SHC4: variants seen among roughly 807,000 people sequenced by gnomAD.
SHC4 encodes the protein SHC adaptor protein 4, also known as SHC-transforming protein 4.
SHC4 carries 41 observed loss-of-function variants against 69.4 expected under a neutral mutation model. That is an observed-to-expected ratio of 0.59 (90% CI 0.46 to 0.77). The LOEUF (loss-of-function observed/expected upper bound fraction) is 0.77. Ranked by LOEUF, SHC4 falls within the 30% of genes least tolerant of loss-of-function variation. SHC4 has a pLI of 0.00. For missense variants in SHC4, 777 were observed against 783.8 expected (o/e 0.99, Z 0.10); for synonymous variants, 318 against 299.3 (o/e 1.06, Z -0.64).
At chr15:48,858,554 C>G (rs1471478644) in intron 6 of SHC4, among the ~76,000 whole-genome samples, 2 of 152,312 alleles carry the variant, frequency 1.3e-5, no homozygotes, top group South Asian at 2.1e-4. Context: ...GGGCAGGCAT[C>G]TGACTATCAC....
chr15:48,955,872 G>A (rs1007156728), intron 1 of SHC4, among the ~76,000 whole-genome samples: 12 of 152,304 alleles, frequency 7.9e-5, no homozygotes, highest in Middle Eastern at 3.4e-3. Flanking sequence ...TCTTGTCTGG[G>A]CTCCACCACT....
At position 48,884,277 on chromosome 15, in the gene SHC4, G is replaced by C. The variant is rs935024738; in HGVS notation, c.811C>G (p.Leu271Val). 1.2e-6 allele frequency: 2 copies of C among 1,609,398 alleles called. No homozygotes were observed. Among genetic ancestry groups the C allele is most frequent in the Admixed American group, 1.7e-5 (1 of 59,054 alleles). The change falls in exon 4 of 12, where the codon CTC (leucine) becomes GTC (valine). Residue 271 changes from leucine to valine, a missense_variant. Leu to Val is a conservative substitution (Grantham distance 32). Transcript: ENST00000332408. ...TGGTTGTCAAGATTCATCAATGTGA[G>C]ACTGCATGTTGAGATGGTCAGTTTT... ...NIKLTISTCSLTLMNLDNQQI... is the reference protein window; with the variant it reads ...NIKLTISTCSVTLMNLDNQQI...
intron 10 of SHC4, among the ~76,000 whole-genome samples, chr15:48,835,762 A>C (rs1177371372): frequency 6.6e-6 from 1 of 152,130 alleles, no homozygotes; most frequent in Non-Finnish European, 1.5e-5. Flanking sequence ...TACTATCCAC[A>C]CTCATAATAG....
At chr15:48,843,635 A>G (rs955995013) in intron 9 of SHC4, 47 bp from the exon 10 acceptor site, 1 of 1,527,654 alleles carries the variant, frequency 6.5e-7, no homozygotes, top group African/African-American at 1.4e-5. Context: ...TTCTTTGTAA[A>G]TAGTAAATAA....
intron 1 of SHC4, among the ~76,000 whole-genome samples, chr15:48,950,612 T>C (rs1396422046): frequency 6.6e-6 from 1 of 151,790 alleles, no homozygotes; most frequent in African/African-American, 2.4e-5. Flanking sequence ...GAAACTGCAG[T>C]GGGGATGGAG....
intron 6 of SHC4, among the ~76,000 whole-genome samples, chr15:48,860,291 A>C (rs1042831933): frequency 1.3e-5 from 2 of 152,142 alleles, no homozygotes; most frequent in Non-Finnish European, 2.9e-5. Context: ...AGGCAGGTGG[A>C]TCACTTGAGG....
At chr15:48,890,055 A>G (rs974954395) in intron 3 of SHC4, among the ~76,000 whole-genome samples, 1 of 152,250 alleles carries the variant, frequency 6.6e-6, no homozygotes, top group Non-Finnish European at 1.5e-5. Flanking sequence ...GGTAGATAGT[A>G]TGTAGACATC....
At chr15:48,887,487 T>C (rs1900055546) in intron 3 of SHC4, among the ~76,000 whole-genome samples, 1 of 152,098 alleles carries the variant, frequency 6.6e-6, no homozygotes, top group Non-Finnish European at 1.5e-5. Flanking sequence ...ATACCAAAAC[T>C]TATGGGATGC....
chr15:48,916,684 A>C (rs1343594964), intron 2 of SHC4, among the ~76,000 whole-genome samples: 2 of 152,128 alleles, frequency 1.3e-5, no homozygotes, highest in Non-Finnish European at 2.9e-5. Context: ...CTCAAAACGG[A>C]GCACTCACCA....
chr15:48,907,541 G>A (rs1490069380), intron 2 of SHC4, among the ~76,000 whole-genome samples: 3 of 151,872 alleles, frequency 2.0e-5, no homozygotes, highest in Non-Finnish European at 1.5e-5. Flanking sequence ...CATACTTATA[G>A]TCTTCTATCT....
intron 2 of SHC4, among the ~76,000 whole-genome samples, chr15:48,897,620 G>C (rs932250795): frequency 2.0e-5 from 3 of 149,952 alleles, no homozygotes; most frequent in Admixed American, 6.7e-5. Flanking sequence ...GAGGCTGCGC[G>C]GCAGATTTTT....
chr15:48,878,199 C>T, intron 4 of SHC4: 1 of 1,568,864 alleles, frequency 6.4e-7, no homozygotes, highest in South Asian at 1.2e-5. Context: ...GCTGAGTTGT[C>T]CGAGCTGTAT....
At chr15:48,855,816 T>G in intron 8 of SHC4, 137 bp downstream of exon 8, 1 of 849,736 alleles carries the variant, frequency 1.2e-6, no homozygotes, top group South Asian at 2.1e-5. Flanking sequence ...CCTCTGACAG[T>G]TATTCATTCT....
At chr15:48,826,421 T>C (rs1424637778) in intron 11 of SHC4, among the ~76,000 whole-genome samples, 1 of 151,986 alleles carries the variant, frequency 6.6e-6, no homozygotes, top group Non-Finnish European at 1.5e-5. Context: ...GCTAATTTTT[T>C]TTATTTTAGT....
At chr15:48,858,759 C>A (rs1298186155) in intron 6 of SHC4, among the ~76,000 whole-genome samples, 2 of 152,224 alleles carry the variant, frequency 1.3e-5, no homozygotes, top group East Asian at 3.9e-4. Flanking sequence ...AAGACAGAGG[C>A]AATAAATCTC....
chr15:48,890,924 G>C (rs1463098168), intron 2 of SHC4, 113 bp from the exon 3 acceptor site: 1 of 1,091,054 alleles, frequency 9.2e-7, no homozygotes, highest in East Asian at 2.5e-5. Context: ...ATAATAGTGA[G>C]TCTAACACAA....
chr15:48,900,904 T>C (rs879281280), intron 2 of SHC4, among the ~76,000 whole-genome samples: 1 of 152,240 alleles, frequency 6.6e-6, no homozygotes, highest in Non-Finnish European at 1.5e-5. Context: ...CTAGCAGCAG[T>C]TGGCAAACTT....
chr15:48,850,392 T>A (rs1054069902), intron 9 of SHC4, among the ~76,000 whole-genome samples: 9 of 152,078 alleles, frequency 5.9e-5, no homozygotes, highest in Admixed American at 2.6e-4. Flanking sequence ...ATTGGTGTAA[T>A]TCCATAAGAA....
intron 8 of SHC4, among the ~76,000 whole-genome samples, chr15:48,853,074 A>G (rs1899246661): frequency 6.6e-6 from 1 of 151,972 alleles, no homozygotes. Flanking sequence ...ATAATTCTAT[A>G]CCTAGAAAAC....
Sources: gnomAD v4.1 joint callset for allele counts (sites outside exome capture counted in the v4.1 genomes callset) on GRCh38, gnomAD v4.1.1 for gene constraint, MANE v1.5 for transcripts, NCBI Gene and HGNC (gene_info 2026-07-23, HGNC 2026-07-21) for gene names.